GBE1: variants seen among roughly 807,000 people sequenced by gnomAD.
The protein encoded by GBE1 is 1,4-alpha-glucan branching enzyme 1.
In GBE1, 70 loss-of-function variants were observed where a neutral mutation model predicts 88.8. That is an observed-to-expected ratio of 0.79 (90% confidence interval 0.65 to 0.96). The LOEUF (loss-of-function observed/expected upper bound fraction) is 0.96. Ranked by LOEUF, GBE1 falls within the 40% of genes least tolerant of loss-of-function variation. The probability of loss-of-function intolerance (pLI) is 0.00; values close to 1 mark genes in which losing one functional copy is unlikely to be tolerated. For synonymous variants in GBE1, 284 were observed against 300.1 expected (o/e 0.95, Z 0.56); for missense variants, 872 against 871.0 (o/e 1.00, Z -0.01).
chr3:81,701,610 G>C (rs1334820842), intron 2 of GBE1, among the ~76,000 whole-genome samples: 1 of 151,806 alleles, frequency 6.6e-6, no homozygotes, highest in South Asian at 2.1e-4. Context: ...GAGCAAACCA[G>C]TCAGGCAGTT....
intron 4 of GBE1, among the ~76,000 whole-genome samples, chr3:81,649,363 C>G (rs1232222301): frequency 6.6e-6 from 1 of 152,050 alleles, no homozygotes; most frequent in Non-Finnish European, 1.5e-5. Context: ...TCACAGAACA[C>G]TTGTCACTAA....
rs542667192 is a variant in GBE1, at chr3:81,617,586, A to G, written c.993-23563T>C. On this transcript the variant is annotated intron_variant, in intron 7 of 15. Coordinates refer to ENST00000429644, the MANE Select transcript of GBE1 (RefSeq NM_000158.4). ...AATAAACCCTACTTGGTTATGGTGT[A>G]TAATTCTTTTTATATATTGCTGAAT... 1.2e-4 allele frequency among the ~76,000 whole-genome samples: 19 copies of G among 152,128 alleles called. No individual in the cohort carries two copies. In the South Asian group the frequency reaches 2.7e-3, roughly 22 times the overall value.
chr3:81,547,586 A>T (rs898152948), intron 12 of GBE1, among the ~76,000 whole-genome samples: 1 of 150,684 alleles, frequency 6.6e-6, no homozygotes, highest in African/African-American at 2.4e-5. Context: ...CAGCAAAAGG[A>T]TAAGAATTTC....
intron 7 of GBE1, among the ~76,000 whole-genome samples, chr3:81,611,460 C>T (rs1704181476): frequency 6.6e-6 from 1 of 152,084 alleles, no homozygotes; most frequent in Non-Finnish European, 1.5e-5. Context: ...GTATAATATT[C>T]AAAGGCACAC....
intron 3 of GBE1, among the ~76,000 whole-genome samples, chr3:81,651,498 CTAT>C (rs1704850700): frequency 1.3e-5 from 2 of 152,054 alleles, no homozygotes; most frequent in South Asian, 4.1e-4. Context: ...CCAGGTGTTG[CTAT>C]TATTCAAGCC....
Position 81,505,434 on chromosome 3 carries a change from C to A in GBE1, c.1935-6207G>T, listed in dbSNP as rs372491889. On this transcript the variant is annotated intron_variant, in intron 14 of 15. Transcript: ENST00000429644. The stretch of plus-strand genomic sequence containing the variant: ...GATCTATACAGCACAGGGCTTGCCA[C>A]AATGTTCCAACACAATCCTTCCCTT... 5.9e-5 allele frequency among the ~76,000 whole-genome samples: 9 copies of A among 152,188 alleles called. No individual in the cohort carries two copies. In the East Asian group the frequency reaches 1.5e-3, roughly 26 times the overall value.
At chr3:81,589,036 GA>G (rs140194048) in intron 9 of GBE1, among the ~76,000 whole-genome samples, 5,441 of 150,184 alleles carry the variant, frequency 0.036, 326 homozygotes, top group African/African-American at 0.12. Flanking sequence ...AAATTTTTAA[GA>G]AAAAAAAGGT....
chr3:81,672,179 G>T lies in GBE1; in HGVS notation c.314-1226C>A, dbSNP rs78709538. On this transcript the variant is annotated intron_variant, in intron 2 of 15. Transcript: ENST00000429644. Reference sequence around the variant, plus strand: ...ACGATATAAAACATTGCTGCTGAGGGTATCATTGGTAAAAACAACTTGGTA... The same window carrying T: ...ACGATATAAAACATTGCTGCTGAGGTTATCATTGGTAAAAACAACTTGGTA... 1.1e-3 allele frequency among the ~76,000 whole-genome samples: 174 copies of T among 152,066 alleles called. 1 individual carries two copies. In the East Asian group the frequency reaches 0.016, roughly 14 times the overall value.
intron 7 of GBE1, among the ~76,000 whole-genome samples, chr3:81,619,801 T>C (rs573037284): frequency 1.4e-3 from 212 of 152,244 alleles, no homozygotes; most frequent in Non-Finnish European, 2.8e-3. Flanking sequence ...AATTTTGGCT[T>C]TTCACATTTA....
intron 14 of GBE1, among the ~76,000 whole-genome samples, chr3:81,522,971 G>T (rs1167216511): frequency 6.6e-6 from 1 of 151,276 alleles, no homozygotes; most frequent in Non-Finnish European, 1.5e-5. Context: ...TATTAAAATA[G>T]AAAATTTTCA....
chr3:81,628,274 T>C (rs78729896), intron 7 of GBE1, among the ~76,000 whole-genome samples: 6,517 of 152,148 alleles, frequency 0.043, 470 homozygotes, highest in East Asian at 0.35. Context: ...TTCTTCAAGG[T>C]GACCAGGTGC....
chr3:81,525,244 C>T (rs1459981101), intron 14 of GBE1, among the ~76,000 whole-genome samples: 1 of 151,756 alleles, frequency 6.6e-6, no homozygotes, highest in Non-Finnish European at 1.5e-5. Context: ...GCATGAAGGG[C>T]TGTTGAATTT....
intron 14 of GBE1, among the ~76,000 whole-genome samples, chr3:81,533,160 A>G (rs1352479710): frequency 1.3e-5 from 2 of 152,102 alleles, no homozygotes; most frequent in Non-Finnish European, 2.9e-5. Flanking sequence ...GTTTGATTAT[A>G]TTGCACTACC....
At chr3:81,677,872 G>A (rs547075291) in intron 2 of GBE1, among the ~76,000 whole-genome samples, 1 of 152,238 alleles carries the variant, frequency 6.6e-6, no homozygotes, top group South Asian at 2.1e-4. Flanking sequence ...CTTAGGTGTG[G>A]TTTTCAAGAA....
intron 14 of GBE1, among the ~76,000 whole-genome samples, chr3:81,500,271 A>G (rs1441030941): frequency 6.6e-6 from 1 of 152,214 alleles, no homozygotes; most frequent in African/African-American, 2.4e-5. Context: ...AGAAAGACTG[A>G]GATGCAAATG....
At chr3:81,637,862 A>C (rs971036114) in intron 7 of GBE1, among the ~76,000 whole-genome samples, 1 of 152,102 alleles carries the variant, frequency 6.6e-6, no homozygotes, top group Admixed American at 6.6e-5. Context: ...ATATATAATT[A>C]AGCTAAAATT....
chr3:81,682,124 A>G (rs1705354399), intron 2 of GBE1, among the ~76,000 whole-genome samples: 1 of 152,354 alleles, frequency 6.6e-6, no homozygotes, highest in African/African-American at 2.4e-5. Flanking sequence ...ATCTGAATAG[A>G]CATTTCTACC....
intron 12 of GBE1, among the ~76,000 whole-genome samples, chr3:81,570,911 C>T (rs1023049856): frequency 6.6e-6 from 1 of 152,116 alleles, no homozygotes; most frequent in Non-Finnish European, 1.5e-5. Context: ...AGAAAAATAA[C>T]TCCATGTTTA....
chr3:81,672,500 G>C (rs1447746342), intron 2 of GBE1, among the ~76,000 whole-genome samples: 2 of 151,838 alleles, frequency 1.3e-5, no homozygotes, highest in African/African-American at 2.4e-5. Context: ...TTTTAAAAGA[G>C]TACAGAAGAA....
Sources: gnomAD v4.1 joint callset for allele counts (sites outside exome capture counted in the v4.1 genomes callset) on GRCh38, gnomAD v4.1.1 for gene constraint, MANE v1.5 for transcripts, NCBI Gene and HGNC (gene_info 2026-07-23, HGNC 2026-07-21) for gene names.